The following OTOGL variants were observed in gnomAD, a reference collection of about 807,000 sequenced individuals.
OTOGL encodes otogelin-like protein.
In OTOGL, 285 loss-of-function variants were observed where a neutral mutation model predicts 318.5. That is an observed-to-expected ratio of 0.89 (90% CI 0.81 to 0.99). OTOGL has a LOEUF of 0.99. Among genes scored for constraint, OTOGL ranks in the 50% least tolerant of loss-of-function variants. The probability of loss-of-function intolerance (pLI) is 0.00; values close to 1 mark genes in which losing one functional copy is unlikely to be tolerated. For synonymous variants in OTOGL, 987 were observed against 936.5 expected, an observed-to-expected ratio of 1.05 and a Z score of -0.99; for missense variants, 2,899 against 2,845.6, an observed-to-expected ratio of 1.02 and a Z score of -0.43.
chr12:80,116,215 C>T lies in OTOGL; in HGVS notation c.-20+16610C>T, dbSNP rs182780136. ...AGGGAATCTCCTGGTCTGTGGGTTA[C>T]GAAGACTGTGGGAGAGGTGTAGTAT... is the stretch of plus-strand genomic sequence containing the variant. On this transcript the variant is annotated intron_variant, in intron 1 of 58. Coordinates refer to ENST00000547103, the MANE Select transcript of OTOGL (RefSeq NM_001378609.3). 1.7e-3 allele frequency among the ~76,000 whole-genome samples: 260 copies of T among 152,218 alleles called. 1 individual carries two copies. The highest frequency in any genetic ancestry group is 3.4e-3 in the Middle Eastern group (1 of 292).
chr12:80,356,341 C>G, intron 47 of OTOGL, 75 bp from the exon 48 acceptor site: 2 of 1,105,462 alleles, frequency 1.8e-6, no homozygotes, highest in Admixed American at 4.1e-5. Context: ...CTTGAGTTGG[C>G]AGTCATTTCC....
chr12:80,271,608 C>CA, intron 23 of OTOGL, 40 bp from the exon 24 acceptor site: 1 of 1,584,988 alleles, frequency 6.3e-7, no homozygotes, highest in Admixed American at 1.8e-5. Context: ...CATGCCATGA[C>CA]AAAAAGTTAA....
chr12:80,119,819 TA>T (rs1336186755), intron 1 of OTOGL, among the ~76,000 whole-genome samples: 1 of 152,208 alleles, frequency 6.6e-6, no homozygotes, highest in African/African-American at 2.4e-5. Context: ...TACTACATGG[TA>T]AACCAGATTA....
chr12:80,326,205 A>G (rs964613991), intron 35 of OTOGL, among the ~76,000 whole-genome samples: 4 of 152,108 alleles, frequency 2.6e-5, no homozygotes. Context: ...CTCTTGTTCT[A>G]GGTGATTGCA....
At position 80,262,017 on chromosome 12, in the gene OTOGL, G is replaced by A. The variant is rs766575346; in HGVS notation, c.1938G>A (p.Ala646=). 1.1e-5 allele frequency: 18 copies of A among 1,613,000 alleles called. No homozygotes were observed. The Admixed American group carries it at 1.2e-4, about 10-fold the overall frequency. ...GTACACCACAACTTCACGCAAATGC[G>A]TGGAGAGTTTCTTCTACCTGTTTTG... ...IEGTPQLHAN[A]WRVSSTCFAP... Residue 646 remains alanine, a synonymous_variant, in exon 19 of 59, where the codon GCG becomes GCA. Transcript: ENST00000547103.
intron 22 of OTOGL, among the ~76,000 whole-genome samples, chr12:80,269,001 C>G (rs999054500): frequency 4.6e-5 from 7 of 151,826 alleles, no homozygotes; most frequent in Non-Finnish European, 1.5e-5. Context: ...AGCCTTTGTC[C>G]CAGAATAAGT....
chr12:80,256,470 A>G lies in OTOGL; in HGVS notation c.1711+10A>G. 1.3e-6 allele frequency: 2 copies of G among 1,570,040 alleles called. No homozygotes were observed. Among genetic ancestry groups the G allele is most frequent in the Non-Finnish European group, 1.7e-6 (2 of 1,164,794 alleles). On this transcript the variant is annotated intron_variant, in intron 17 of 58. Coordinates refer to ENST00000547103, the MANE Select transcript of OTOGL (RefSeq NM_001378609.3). ...GGCTTCAACCTGAATGGTAAGAAAC[A>G]GTGCTAATGGTGTACTTTCTTTACA...
At chr12:80,286,249 T>G (rs1247680290) in intron 26 of OTOGL, among the ~76,000 whole-genome samples, 1 of 152,206 alleles carries the variant, frequency 6.6e-6, no homozygotes, top group Non-Finnish European at 1.5e-5. Flanking sequence ...GATAAGCTTT[T>G]TGATATGCTG....
intron 1 of OTOGL, among the ~76,000 whole-genome samples, chr12:80,114,933 T>C (rs768487313): frequency 1.4e-4 from 22 of 151,968 alleles, no homozygotes; most frequent in Non-Finnish European, 2.8e-4. Context: ...GTATACTTCA[T>C]GAAGTTCTTG....
In OTOGL at chr12:80,229,298, T is replaced by C. The variant is rs1338334497; in HGVS notation, c.531T>C (p.Cys177=). The C allele has an allele frequency of 5.6e-6, 9 of 1,597,054 alleles. 1 individual carries two copies. The Middle Eastern group carries it at 5.0e-4, about 88-fold the overall frequency. ...SPKCLGSVYS[C]YRSISLFFSN... is the part of the protein sequence containing the mutation. ...AATGCCTTGGTTCGGTGTATTCTTG[T>C]TATCGGTCAATCAGCTTGTTCTTTT... The change falls in exon 8 of 59, where the codon TGT becomes TGC. Residue 177 remains cysteine, a synonymous_variant. Transcript: ENST00000547103.
intron 1 of OTOGL, among the ~76,000 whole-genome samples, chr12:80,104,874 C>T (rs1007495275): frequency 2.0e-5 from 3 of 152,102 alleles, no homozygotes; most frequent in African/African-American, 7.2e-5. Context: ...CCGGGCAGAT[C>T]ACCTGAGTTC....
chr12:80,278,330 AATC>A, intron 25 of OTOGL, 55 bp downstream of exon 25: 1 of 1,330,112 alleles, frequency 7.5e-7, no homozygotes, highest in East Asian at 2.5e-5. Flanking sequence ...TGTAAATTTC[AATC>A]ATCTTTTATT....
chr12:80,203,376 T>C (rs74108559), intron 1 of OTOGL, among the ~76,000 whole-genome samples: 5,013 of 152,182 alleles, frequency 0.033, 221 homozygotes, highest in East Asian at 0.19. Context: ...CCCACACTTA[T>C]AATCCAGGAT....
chr12:80,152,714 A>C (rs1872862539), intron 1 of OTOGL, among the ~76,000 whole-genome samples: 1 of 152,136 alleles, frequency 6.6e-6, no homozygotes, highest in East Asian at 1.9e-4. Flanking sequence ...TTTGAGACAG[A>C]GTGTCACTTT....
chr12:80,343,862 G>A lies in OTOGL; in HGVS notation c.5265+1700G>A, dbSNP rs1347159717. ...TGTGGAAACCGGAAACCCTGGGTAA[G>A]GGGGGCTGACTGTATATGCAAGAGA... On this transcript the variant is annotated intron_variant, in intron 44 of 58. Coordinates refer to ENST00000547103, the MANE Select transcript of OTOGL (RefSeq NM_001378609.3). 3.3e-5 allele frequency: 5 copies of A among 152,190 alleles called. No individual in the cohort carries two copies. The South Asian group carries it at 8.3e-4, about 25-fold the overall frequency. 9.4% of individuals were successfully genotyped at this position (152,190 alleles called of 1,614,324 possible).
Position 80,271,775 on chromosome 12 carries a change from C to G in OTOGL, c.2646C>G (p.Ser882=). ...CCATGAACTTCACCTGCACCCCATCCTCACCCTGTATAAGTGGCTGTGTTT... is the reference window on the plus strand; with the variant it reads ...CCATGAACTTCACCTGCACCCCATCGTCACCCTGTATAAGTGGCTGTGTTT... The part of the protein sequence containing the change: ...NLAMNFTCTP[S]SPCISGCVCA... The change falls in exon 24 of 59, where the codon TCC becomes TCG. Residue 882 remains serine (S), a synonymous_variant. Transcript: ENST00000547103. 3 of 1,613,052 alleles carry G rather than the reference C, an allele frequency of 1.9e-6. No homozygotes were observed. Among genetic ancestry groups the G allele is most frequent in the Non-Finnish European group, 1.7e-6 (2 of 1,179,378 alleles).
At chr12:80,268,921 C>T (rs555449778) in intron 22 of OTOGL, among the ~76,000 whole-genome samples, 1 of 151,022 alleles carries the variant, frequency 6.6e-6, no homozygotes, top group Admixed American at 6.6e-5. Flanking sequence ...AAAAAGTAAC[C>T]ATCCCTCCTC....
intron 1 of OTOGL, chr12:80,102,868 A>T (rs1221258382): frequency 1.3e-6 from 1 of 754,554 alleles, no homozygotes; most frequent in Non-Finnish European, 2.3e-6. Context: ...CCTTTGTTTC[A>T]AGTTTTAATC....
intron 1 of OTOGL, among the ~76,000 whole-genome samples, chr12:80,203,479 C>T (rs1027084785): frequency 2.6e-5 from 4 of 152,096 alleles, no homozygotes; most frequent in African/African-American, 9.7e-5. Flanking sequence ...AAGACACAGA[C>T]ATCTTTGTTG....
Sources: gnomAD v4.1 joint callset for allele counts (sites outside exome capture counted in the v4.1 genomes callset) on GRCh38, gnomAD v4.1.1 for gene constraint, MANE v1.5 for transcripts, NCBI Gene and HGNC (gene_info 2026-07-23, HGNC 2026-07-21) for gene names.